KCNIP4: variants seen among roughly 807,000 people sequenced by gnomAD.
The protein encoded by KCNIP4 is potassium voltage-gated channel interacting protein 4, also known as Kv channel-interacting protein 4.
In KCNIP4, 12 loss-of-function variants were observed where a neutral mutation model predicts 34.0. The observed-to-expected ratio is 0.35, with a 90% CI of 0.23 to 0.57. KCNIP4 has a LOEUF of 0.57. KCNIP4 is among the 20% of genes least tolerant of loss of function. The pLI is 0.83. For synonymous variants in KCNIP4, 124 were observed against 102.2 expected (o/e 1.21, Z -1.29); for missense variants, 238 against 311.7 (o/e 0.76, Z 1.78).
At chr4:21,469,945 C>T (rs6855589) in intron 1 of KCNIP4, among the ~76,000 whole-genome samples, 100,369 of 152,032 alleles carry the variant, frequency 0.66, 33,456 homozygotes, top group African/African-American at 0.72. Context: ...TAATCCATAA[C>T]TTTTGGGATG....
At chr4:20,748,894 G>GTATATA (rs57841958) in intron 5 of KCNIP4, among the ~76,000 whole-genome samples, 17 of 145,258 alleles carry the variant, frequency 1.2e-4, no homozygotes, top group Admixed American at 4.2e-4. Flanking sequence ...GTGTGTGTGT[G>GTATATA]TATATATATA....
At chr4:21,582,618 C>T (rs58063442) in intron 1 of KCNIP4, among the ~76,000 whole-genome samples, 4,520 of 151,970 alleles carry the variant, frequency 0.03, 168 homozygotes, top group East Asian at 0.17. Context: ...ATTTCTGTGA[C>T]CTGAGATTTT....
intron 1 of KCNIP4, among the ~76,000 whole-genome samples, chr4:21,590,188 T>C (rs1742080441): frequency 6.6e-6 from 1 of 152,028 alleles, no homozygotes; most frequent in Admixed American, 6.6e-5. Flanking sequence ...GGTGAATAGC[T>C]AGGCAGCTGG....
intron 1 of KCNIP4, among the ~76,000 whole-genome samples, chr4:21,938,580 C>T (rs1012953555): frequency 2.6e-5 from 4 of 151,988 alleles, no homozygotes; most frequent in South Asian, 2.1e-4. Context: ...TGTATATACA[C>T]GATTCTAAAA....
At chr4:21,210,524 A>C (rs1005316352) in intron 1 of KCNIP4, among the ~76,000 whole-genome samples, 13 of 152,340 alleles carry the variant, frequency 8.5e-5, no homozygotes, top group African/African-American at 2.4e-4. Context: ...TTTTAAAGTT[A>C]AATTATTTAA....
At chr4:20,999,444 T>TTTG (rs1737894086) in intron 1 of KCNIP4, among the ~76,000 whole-genome samples, 1 of 115,558 alleles carries the variant, frequency 8.7e-6, no homozygotes. Flanking sequence ...TTTTGTTTTT[T>TTTG]TTTTTTTTTT....
chr4:21,901,251 C>T (rs1727689525), intron 1 of KCNIP4, among the ~76,000 whole-genome samples: 1 of 152,226 alleles, frequency 6.6e-6, no homozygotes, highest in South Asian at 2.1e-4. Context: ...TATTTTATCA[C>T]TGCCATTGTT....
At chr4:20,872,700 C>A (rs542909609) in intron 2 of KCNIP4, among the ~76,000 whole-genome samples, 1 of 152,172 alleles carries the variant, frequency 6.6e-6, no homozygotes, top group Non-Finnish European at 1.5e-5. Flanking sequence ...AAAGAAGGCT[C>A]TCATTTATCT....
At chr4:21,387,051 G>A (rs1722096078) in intron 1 of KCNIP4, among the ~76,000 whole-genome samples, 1 of 152,174 alleles carries the variant, frequency 6.6e-6, no homozygotes, top group African/African-American at 2.4e-5. Context: ...GGAGGCAATG[G>A]CCTGAAGGTA....
chr4:21,281,632 T>C (rs983016329), intron 1 of KCNIP4, among the ~76,000 whole-genome samples: 1 of 152,190 alleles, frequency 6.6e-6, no homozygotes, highest in Non-Finnish European at 1.5e-5. Flanking sequence ...TTCTAAGTAG[T>C]CTTTGAGACC....
intron 1 of KCNIP4, among the ~76,000 whole-genome samples, chr4:21,268,581 G>C (rs2109126484): frequency 6.6e-6 from 1 of 152,318 alleles, no homozygotes; most frequent in South Asian, 2.1e-4. Flanking sequence ...CAGAGGAGGG[G>C]AGGTGGTCAC....
In KCNIP4 at chr4:21,380,464, A is replaced by AGG. The variant is rs369849064; in HGVS notation, c.62-497756_62-497755insCC. Among the ~76,000 whole-genome samples, 13 of 107,414 alleles carry AGG rather than the reference A, an allele frequency of 1.2e-4. No homozygotes were observed. In the East Asian group the frequency reaches 3.2e-3, roughly 27 times the overall value. 70.5% of individuals were successfully genotyped at this position (107,414 alleles called of 152,430 possible). ...GGGAGGGAGAGGGAGAGGGGGAGAG[A>AGG]GAGAGAGAGAGGGAGAGAGAGAGGG... On this transcript the variant is annotated intron_variant, in intron 1 of 8. Transcript: ENST00000382152.
chr4:21,573,144 G>A (rs970173249), intron 1 of KCNIP4, among the ~76,000 whole-genome samples: 12 of 152,094 alleles, frequency 7.9e-5, no homozygotes, highest in Admixed American at 6.6e-4. Flanking sequence ...TAGCATTAGC[G>A]GTAGTAGCAT....
intron 1 of KCNIP4, among the ~76,000 whole-genome samples, chr4:21,129,889 T>TAAAA (rs11384657): frequency 8.2e-4 from 123 of 149,486 alleles, no homozygotes; most frequent in Non-Finnish European, 1.3e-3. Flanking sequence ...GCAGAAATGT[T>TAAAA]AAAAAAAAAA....
At chr4:21,310,817 A>G (rs1169510986) in intron 1 of KCNIP4, among the ~76,000 whole-genome samples, 1 of 151,766 alleles carries the variant, frequency 6.6e-6, no homozygotes, top group South Asian at 2.1e-4. Context: ...TTTAATAGAG[A>G]CGGGGTTTCA....
chr4:21,500,492 A>G (rs1445204107), intron 1 of KCNIP4, among the ~76,000 whole-genome samples: 1 of 152,186 alleles, frequency 6.6e-6, no homozygotes, highest in Admixed American at 6.5e-5. Flanking sequence ...ATTAAATTAG[A>G]CAAAGTATAT....
intron 1 of KCNIP4, among the ~76,000 whole-genome samples, chr4:21,261,222 G>A (rs1470887956): frequency 2.0e-5 from 3 of 152,156 alleles, no homozygotes; most frequent in Non-Finnish European, 4.4e-5. Context: ...AGGGACTCTG[G>A]CTTTAAATCA....
intron 1 of KCNIP4, among the ~76,000 whole-genome samples, chr4:20,898,916 G>A (rs922618533): frequency 1.3e-5 from 2 of 152,122 alleles, no homozygotes; most frequent in Non-Finnish European, 2.9e-5. Context: ...TTTGCAAGCT[G>A]CTTATGGTTT....
chr4:21,929,340 A>T (rs1729436477), intron 1 of KCNIP4, among the ~76,000 whole-genome samples: 1 of 152,166 alleles, frequency 6.6e-6, no homozygotes, highest in Non-Finnish European at 1.5e-5. Flanking sequence ...GCTGGAAGCA[A>T]ATATTTTCAA....
Sources: gnomAD v4.1 joint callset for allele counts (sites outside exome capture counted in the v4.1 genomes callset) on GRCh38, gnomAD v4.1.1 for gene constraint, MANE v1.5 for transcripts, NCBI Gene and HGNC (gene_info 2026-07-23, HGNC 2026-07-21) for gene names.